The following ZFR2 variants were observed in gnomAD, a reference collection of about 807,000 sequenced individuals.
ZFR2 encodes zinc finger RNA binding protein 2.
A neutral mutation model predicts 105.7 loss-of-function variants in ZFR2; 104 were observed. The ratio of observed to expected loss-of-function variants is 0.98; its 90% CI spans 0.84 to 1.16. The LOEUF (loss-of-function observed/expected upper bound fraction) is 1.16, where lower values mean the gene tolerates loss of function less well. Among genes scored for constraint, ZFR2 ranks in the 50% most tolerant of loss-of-function variants. The pLI is 0.00. For missense variants in ZFR2, 1,425 were observed against 1,355.5 expected (o/e 1.05, Z -0.80); for synonymous variants, 634 against 597.7 (o/e 1.06, Z -0.89).
chr19:3,822,152 C>CTTGCACAGCTT lies in ZFR2; in HGVS notation c.1419_1420insAAGCTGTGCAA (p.Glu474LysfsTer18). The CTTGCACAGCTT allele has an allele frequency of 1.2e-6, 2 of 1,609,382 alleles. No individual in the cohort carries two copies. Among genetic ancestry groups the CTTGCACAGCTT allele is most frequent in the Non-Finnish European group, 1.7e-6 (2 of 1,178,220 alleles). ...GCGTTAAGGTCGTTGAAACTGCACT[C>CTTGCACAGCTT]GCACAGCTTGCAGTGGAAGCGAAGC... On this transcript the variant is annotated frameshift_variant, in exon 9 of 19. Transcript: ENST00000262961. LOFTEE classifies it high-confidence loss of function.
rs1410417702 is a variant in ZFR2 at position 3,838,774 on chromosome 19, TTTC to T, written c.54-3794_54-3792del. 6.6e-6 allele frequency among the ~76,000 whole-genome samples: 1 copy of T among 152,066 alleles called. No homozygotes were observed. ...CAGCCTCTGTCCCCTGGTCCTGCTT[TTTC>T]TTCTTCCTGGCACCACCCAGTATAC... On this transcript the variant is annotated intron_variant, in intron 1 of 18. Transcript: ENST00000262961. The surrounding 1 kb of genome is among the most constrained non-coding windows in gnomAD (Gnocchi z 4.9).
chr19:3,810,927 A>G (rs2145133296), intron 15 of ZFR2, 82 bp from the exon 16 acceptor site: 2 of 1,446,698 alleles, frequency 1.4e-6, no homozygotes, highest in East Asian at 5.1e-5. Flanking sequence ...GTGAGCGTGA[A>G]CCCCAGGGAG....
In ZFR2 at chr19:3,834,534, A is replaced by G. The variant is rs2145164212; in HGVS notation, c.264+239T>C. 6.6e-6 allele frequency among the ~76,000 whole-genome samples: 1 copy of G among 152,184 alleles called. No homozygotes were observed. The highest frequency in any genetic ancestry group is 1.5e-5 in the Non-Finnish European group (1 of 67,988). On this transcript the variant is annotated intron_variant, in intron 2 of 18. Transcript: ENST00000262961. This position sits in a 1 kb window ranked among gnomAD's most constrained non-coding sequence, Gnocchi z 5.3. ...AGCTCTGTGCGCCGTCACTGTCCCCACTGCCCCGACGTGGAGGTACGCATG... is the reference window on the plus strand; with the variant it reads ...AGCTCTGTGCGCCGTCACTGTCCCCGCTGCCCCGACGTGGAGGTACGCATG...
At position 3,863,143 on chromosome 19, in the gene ZFR2, G is replaced by A. The variant is rs571390906; in HGVS notation, c.53+5822C>T. ...CACTGGAAGGACCTGGAGGCCTGCCGGAGGGCGAGCGTGGCGTCTGGGCTG... is the reference window on the plus strand; with the variant it reads ...CACTGGAAGGACCTGGAGGCCTGCCAGAGGGCGAGCGTGGCGTCTGGGCTG... On this transcript the variant is annotated intron_variant, in intron 1 of 18. Coordinates refer to ENST00000262961, the MANE Select transcript of ZFR2 (RefSeq NM_015174.2). 4.6e-5 allele frequency among the ~76,000 whole-genome samples: 7 copies of A among 152,354 alleles called. No individual in the cohort carries two copies. In the East Asian group the frequency reaches 7.7e-4, roughly 17 times the overall value.
intron 1 of ZFR2, among the ~76,000 whole-genome samples, chr19:3,849,323 A>C (rs4807518): frequency 0.15 from 22,856 of 152,176 alleles, 2,078 homozygotes; most frequent in East Asian, 0.26. Context: ...CCTGGTGGAC[A>C]CCCCACCTAA....
chr19:3,823,411 G>GA lies in ZFR2; in HGVS notation c.1214-9dup. On this transcript the variant is annotated splice_polypyrimidine_tract_variant and intron_variant, in intron 7 of 18. Coordinates refer to ENST00000262961, the MANE Select transcript of ZFR2 (RefSeq NM_015174.2). This position sits in a 1 kb window ranked among gnomAD's most constrained non-coding sequence, Gnocchi z 5.4. ...CCTGTGGCTCAGGAGGCCCTGAGGG[G>GA]AAAAACCATGTCACTTATACCCTGT... The GA allele has an allele frequency of 6.3e-7, 1 of 1,595,660 alleles. No individual in the cohort carries two copies. The highest frequency in any genetic ancestry group is 1.8e-5 in the Admixed American group (1 of 56,436).
intron 13 of ZFR2, 72 bp downstream of exon 13, chr19:3,816,602 G>A (rs2037826729): frequency 1.3e-6 from 2 of 1,526,358 alleles, no homozygotes; most frequent in South Asian, 2.5e-5. Flanking sequence ...CCATCTAGGA[G>A]CGCAAGGGGC....
chr19:3,821,993 C>T, intron 9 of ZFR2, 88 bp downstream of exon 9: 1 of 1,480,646 alleles, frequency 6.8e-7, no homozygotes, highest in East Asian at 2.5e-5. Context: ...ATCACACGCG[C>T]GGAAGAGGCC....
At chr19:3,837,962 G>C (rs968696514) in intron 1 of ZFR2, among the ~76,000 whole-genome samples, 1 of 151,272 alleles carries the variant, frequency 6.6e-6, no homozygotes, top group Admixed American at 6.6e-5. Flanking sequence ...CTATGACTGT[G>C]ACAATCAATG....
At position 3,805,985 on chromosome 19, in the gene ZFR2, C is replaced by T. The variant is rs1301228383; in HGVS notation, c.2784G>A (p.Lys928=). ...CCTCTCCGCCCCGCCGGCCCCGCTTCTTCTCCCCTGCGCCCTCCTCTCCCT... is the reference window on the plus strand; with the variant it reads ...CCTCTCCGCCCCGCCGGCCCCGCTTTTTCTCCCCTGCGCCCTCCTCTCCCT... The part of the protein sequence containing the change: ...PGEGEEGAGE[K]KRGRRGGEGL... The change falls in exon 19 of 19, where the codon AAG becomes AAA. Residue 928 remains lysine, a synonymous_variant. Coordinates refer to ENST00000262961, the MANE Select transcript of ZFR2 (RefSeq NM_015174.2). 1 of 1,543,898 alleles carries T rather than the reference C, an allele frequency of 6.5e-7. No individual in the cohort carries two copies. Among genetic ancestry groups the T allele is most frequent in the South Asian group, 1.2e-5 (1 of 83,906 alleles).
chr19:3,808,810 C>T (rs1301850373), intron 17 of ZFR2, 62 bp downstream of exon 17: 1 of 1,378,362 alleles, frequency 7.3e-7, no homozygotes, highest in African/African-American at 1.4e-5. Flanking sequence ...GTGCCATGGC[C>T]ACGGGCCCTG....
chr19:3,846,883 C>G (rs147665118), intron 1 of ZFR2, among the ~76,000 whole-genome samples: 1 of 152,356 alleles, frequency 6.6e-6, no homozygotes, highest in East Asian at 1.9e-4. Flanking sequence ...AATAGATTAA[C>G]CTTGCAAAAC....
intron 1 of ZFR2, among the ~76,000 whole-genome samples, chr19:3,841,998 A>G (rs2038137244): frequency 6.6e-6 from 1 of 151,790 alleles, no homozygotes. Context: ...TGTCACAGGT[A>G]AAGCAGAGTG....
rs759550620 is a variant in ZFR2 at position 3,819,028 on chromosome 19, A to G, written c.1931+17T>C. 6.2e-7 allele frequency: 1 copy of G among 1,609,642 alleles called. No homozygotes were observed. On this transcript the variant is annotated intron_variant, in intron 12 of 18. Coordinates refer to ENST00000262961, the MANE Select transcript of ZFR2 (RefSeq NM_015174.2). ...CTGGCTGAGAGCCGGGCCCTGGGGA[A>G]GGGGATCTCCAATGACCTGCGCTTG... is the stretch of plus-strand genomic sequence containing the variant.
At chr19:3,862,578 G>A (rs1032575189) in intron 1 of ZFR2, among the ~76,000 whole-genome samples, 1 of 152,232 alleles carries the variant, frequency 6.6e-6, no homozygotes, top group Non-Finnish European at 1.5e-5. Context: ...GATTACAAGT[G>A]TGAGCCACCG....
At chr19:3,810,441 C>T (rs567026602) in intron 16 of ZFR2, among the ~76,000 whole-genome samples, 1 of 152,258 alleles carries the variant, frequency 6.6e-6, no homozygotes, top group Non-Finnish European at 1.5e-5. Context: ...GGGAGTCCGG[C>T]TTCCGCCCCT....
Position 3,831,510 on chromosome 19 carries a change from G to T in ZFR2, c.645C>A (p.Ser215Arg). Residue 215 changes from serine to arginine, a missense_variant, in exon 5 of 19, where the codon AGC (serine) becomes AGA (arginine). Transcript: ENST00000262961. ...NYDASVYSAA[S>R]PFYPPAQPPP... ...GGGGCTGCGCTGGAGGATAGAAAGG[G>T]CTGGCAGCGGAGTACACCGACGCGT... 1 of 1,556,012 alleles carries T rather than the reference G, an allele frequency of 6.4e-7. No individual in the cohort carries two copies.
intron 1 of ZFR2, among the ~76,000 whole-genome samples, chr19:3,839,184 A>G (rs902281845): frequency 6.6e-6 from 1 of 152,018 alleles, no homozygotes; most frequent in African/African-American, 2.4e-5. Flanking sequence ...CCACTGTGAG[A>G]TTTGTGTTTC....
intron 1 of ZFR2, among the ~76,000 whole-genome samples, chr19:3,843,496 C>T (rs1474649370): frequency 6.9e-6 from 1 of 145,522 alleles, no homozygotes; most frequent in Non-Finnish European, 1.5e-5. Flanking sequence ...ATGAACATAA[C>T]GTGGTCCATC....
Sources: allele counts gnomAD v4.1 joint callset (sites outside exome capture counted in the v4.1 genomes callset), GRCh38; gene constraint gnomAD v4.1.1; non-coding constraint Gnocchi (gnomAD v3.1); transcripts MANE v1.5; gene names NCBI Gene and HGNC (gene_info 2026-07-23, HGNC 2026-07-21).